The following EIF3J variants were observed in gnomAD, a reference collection of about 807,000 sequenced individuals.
EIF3J encodes the protein eukaryotic translation initiation factor 3, subunit 1 (alpha, 35kD).
EIF3J carries 15 observed loss-of-function variants against 39.0 expected under a neutral mutation model. That is an observed-to-expected ratio of 0.38 (90% CI 0.26 to 0.59). The LOEUF (loss-of-function observed/expected upper bound fraction) is 0.59. Among genes scored for constraint, EIF3J ranks in the 20% least tolerant of loss-of-function variants. The pLI, the probability that EIF3J is intolerant of heterozygous loss-of-function variation, is 0.60. For synonymous variants in EIF3J, 98 were observed against 112.9 expected (o/e 0.87, Z 0.84); for missense variants, 226 against 308.6 (o/e 0.73, Z 2.00).
intron 2 of EIF3J, among the ~76,000 whole-genome samples, chr15:44,545,108 C>T (rs937451911): frequency 3.9e-5 from 6 of 152,126 alleles, no homozygotes; most frequent in African/African-American, 1.2e-4. Context: ...GTGTAATAAT[C>T]CTTCTCTTTA....
intron 6 of EIF3J, chr15:44,558,772 T>A (rs2140903067): frequency 6.6e-6 from 1 of 152,228 alleles, no homozygotes; most frequent in African/African-American, 2.4e-5. Context: ...GAAAAAGGAA[T>A]CCTACACAAT....
At chr15:44,541,636 G>T (rs2082015263) in intron 2 of EIF3J, among the ~76,000 whole-genome samples, 1 of 152,166 alleles carries the variant, frequency 6.6e-6, no homozygotes, top group African/African-American at 2.4e-5. Flanking sequence ...ACAATTTTCA[G>T]GGGTTGGAAA....
chr15:44,544,642 T>TG (rs2082038757), intron 2 of EIF3J, among the ~76,000 whole-genome samples: 1 of 146,086 alleles, frequency 6.8e-6, no homozygotes, highest in Non-Finnish European at 1.5e-5. Flanking sequence ...AGGCAGAGGT[T>TG]GCGGTGAGCT....
intron 2 of EIF3J, among the ~76,000 whole-genome samples, chr15:44,546,002 T>C (rs1428624992): frequency 5.3e-5 from 8 of 152,210 alleles, no homozygotes; most frequent in Admixed American, 4.6e-4. Context: ...GTTTTAAATA[T>C]GCATCTTCTG....
intron 7 of EIF3J, 90 bp from the exon 8 acceptor site, chr15:44,560,928 T>C (rs2082187971): frequency 6.6e-7 from 1 of 1,515,536 alleles, no homozygotes; most frequent in Non-Finnish European, 8.8e-7. Context: ...GGACCAAAGG[T>C]TTTTGTGTGT....
In EIF3J at chr15:44,561,356, T is replaced by G. The variant is rs976265516; in HGVS notation, c.*207T>G. ...TGCCAAGGGGTTAAAATTGGGAACCTAAGTTGCTACTAAATCATAGTTCAA... is the reference window on the plus strand; with the variant it reads ...TGCCAAGGGGTTAAAATTGGGAACCGAAGTTGCTACTAAATCATAGTTCAA... On this transcript the variant is annotated 3_prime_UTR_variant, in exon 8 of 8. Coordinates refer to ENST00000261868, the MANE Select transcript of EIF3J (RefSeq NM_003758.4). 4.6e-6 allele frequency: 2 copies of G among 437,882 alleles called. No individual in the cohort carries two copies. The highest frequency in any genetic ancestry group is 4.0e-5 in the African/African-American group (2 of 50,434). The allele number at this position is 437,882 out of a possible 1,614,324, so 27.1% of individuals were successfully genotyped here.
chr15:44,552,698 C>A (rs890581135), intron 4 of EIF3J, among the ~76,000 whole-genome samples: 3 of 152,006 alleles, frequency 2.0e-5, no homozygotes, highest in Non-Finnish European at 4.4e-5. Flanking sequence ...GTAGCTGGGA[C>A]TGCAGGCATG....
intron 5 of EIF3J, among the ~76,000 whole-genome samples, chr15:44,555,766 C>T (rs572182207): frequency 9.9e-5 from 15 of 152,184 alleles, no homozygotes; most frequent in Non-Finnish European, 2.1e-4. Flanking sequence ...TTGTGTTTCT[C>T]ATACTAAAAT....
intron 6 of EIF3J, among the ~76,000 whole-genome samples, chr15:44,558,227 T>G (rs1277349885): frequency 2.0e-5 from 3 of 152,142 alleles, no homozygotes; most frequent in Admixed American, 6.5e-5. Context: ...TTGCAGTTTT[T>G]TTGTTGTTGT....
intron 4 of EIF3J, among the ~76,000 whole-genome samples, chr15:44,552,466 A>C (rs1292559805): frequency 6.6e-6 from 1 of 152,074 alleles, no homozygotes; most frequent in African/African-American, 2.4e-5. Context: ...GCTGGTCTCA[A>C]ACTCCTGACC....
At chr15:44,548,406 A>C (rs1405363230) in intron 2 of EIF3J, among the ~76,000 whole-genome samples, 1 of 152,072 alleles carries the variant, frequency 6.6e-6, no homozygotes, top group Non-Finnish European at 1.5e-5. Context: ...CAAGAGTGAA[A>C]CTCCGTCTCA....
chr15:44,546,970 C>T (rs1468802827), intron 2 of EIF3J, among the ~76,000 whole-genome samples: 5 of 151,296 alleles, frequency 3.3e-5, no homozygotes, highest in Admixed American at 3.3e-4. Flanking sequence ...TACGGGCGTG[C>T]ACCACCATGC....
intron 2 of EIF3J, among the ~76,000 whole-genome samples, chr15:44,549,498 G>A (rs558278308): frequency 6.2e-4 from 94 of 150,864 alleles, no homozygotes; most frequent in Non-Finnish European, 9.2e-4. Flanking sequence ...GGCTAGGCAC[G>A]GTGGCTCACG....
At chr15:44,546,816 CTTTTTTTT>C (rs1160471321) in intron 2 of EIF3J, among the ~76,000 whole-genome samples, 48 of 78,898 alleles carry the variant, frequency 6.1e-4, no homozygotes, top group African/African-American at 2.3e-3. Context: ...GAGTATAGAT[CTTTTTTTT>C]TTTTTTTTTT....
In EIF3J at chr15:44,537,353, G is replaced by C; in HGVS notation, c.73G>C (p.Val25Leu). ...CGACGCTTTCTCCGTGGAAGACCCA[G>C]TGCGGAAGGTGGGGGGCGGCGGCAC... is the stretch of plus-strand genomic sequence containing the variant. ...DADAFSVEDP[V>L]RKVGGGGTAG... Residue 25 changes from valine (V) to leucine (L), a missense_variant, in exon 2 of 8, where the codon GTG becomes CTG. Transcript: ENST00000261868. The C allele has an allele frequency of 6.4e-7, 1 of 1,567,064 alleles. No homozygotes were observed. Among genetic ancestry groups the C allele is most frequent in the Non-Finnish European group, 8.7e-7 (1 of 1,155,716 alleles).
rs564114221 is a variant in EIF3J at position 44,548,663 on chromosome 15, G to A, written c.148-2213G>A. 5.9e-5 allele frequency among the ~76,000 whole-genome samples: 9 copies of A among 152,284 alleles called. No homozygotes were observed. In the South Asian group the frequency reaches 1.7e-3, roughly 28 times the overall value. Reference sequence around the variant, plus strand: ...TCCAGTATCAAGGTGCTGGCATCTGGCGAGGGCCTTCTTGCTCTATTATCC... The same window carrying A: ...TCCAGTATCAAGGTGCTGGCATCTGACGAGGGCCTTCTTGCTCTATTATCC... On this transcript the variant is annotated intron_variant, in intron 2 of 7. Coordinates refer to ENST00000261868, the MANE Select transcript of EIF3J (RefSeq NM_003758.4).
intron 2 of EIF3J, among the ~76,000 whole-genome samples, chr15:44,538,647 A>G (rs1356985431): frequency 6.6e-6 from 1 of 152,248 alleles, no homozygotes; most frequent in Admixed American, 6.5e-5. Context: ...CTTTGCACAC[A>G]TTGAAGTTAA....
At chr15:44,556,697 A>C (rs929190019) in intron 5 of EIF3J, among the ~76,000 whole-genome samples, 1 of 152,056 alleles carries the variant, frequency 6.6e-6, no homozygotes, top group Non-Finnish European at 1.5e-5. Flanking sequence ...TTTGGTAGAG[A>C]CAGGGTTTCA....
intron 6 of EIF3J, 42 bp downstream of exon 6, chr15:44,557,692 G>A (rs1208151891): frequency 2.9e-6 from 4 of 1,358,310 alleles, no homozygotes; most frequent in Non-Finnish European, 3.9e-6. Flanking sequence ...TAGATTTTTA[G>A]TAGGATGTTC....
Sources: allele counts gnomAD v4.1 joint callset (sites outside exome capture counted in the v4.1 genomes callset), GRCh38; gene constraint gnomAD v4.1.1; transcripts MANE v1.5; gene names NCBI Gene and HGNC (gene_info 2026-07-23, HGNC 2026-07-21).